PPARGC1A: variants seen among roughly 807,000 people sequenced by gnomAD.
The protein encoded by PPARGC1A is peroxisome proliferator-activated receptor gamma coactivator 1-alpha.
In PPARGC1A, 25 loss-of-function variants were observed where a neutral mutation model predicts 88.7. That is an observed-to-expected ratio of 0.28 (90% confidence interval 0.21 to 0.39). PPARGC1A has a LOEUF of 0.39. Among genes scored for constraint, PPARGC1A ranks in the 10% least tolerant of loss-of-function variants. PPARGC1A has a pLI of 1.00. For synonymous variants in PPARGC1A, 363 were observed against 355.6 expected (o/e 1.02, Z -0.24); for missense variants, 880 against 968.7 (o/e 0.91, Z 1.22).
the PPARGC1A span, among the ~76,000 whole-genome samples, chr4:24,451,275 T>G: frequency 2.0e-5 from 3 of 152,230 alleles, no homozygotes; most frequent in Non-Finnish European, 4.4e-5. Context: ...TAACATTTTC[T>G]TAAACATTCA....
At chr4:23,852,751 T>G (rs1256410954) in intron 2 of PPARGC1A, among the ~76,000 whole-genome samples, 1 of 152,222 alleles carries the variant, frequency 6.6e-6, no homozygotes, top group East Asian at 1.9e-4. Context: ...TCATGCCATG[T>G]TTTATACTTA....
At chr4:23,799,805 A>C (rs1560314900) in intron 12 of PPARGC1A, among the ~76,000 whole-genome samples, 1 of 152,134 alleles carries the variant, frequency 6.6e-6, no homozygotes, top group Non-Finnish European at 1.5e-5. Context: ...ATCGTGATCT[A>C]AAGGCCCCTC....
the PPARGC1A span, among the ~76,000 whole-genome samples, chr4:24,263,380 A>G: frequency 6.6e-6 from 1 of 152,126 alleles, no homozygotes; most frequent in Non-Finnish European, 1.5e-5. Flanking sequence ...ATAAATATTC[A>G]TCAAGTTCCT....
At chr4:23,832,209 A>C (rs575544930) in intron 2 of PPARGC1A, among the ~76,000 whole-genome samples, 13 of 152,256 alleles carry the variant, frequency 8.5e-5, no homozygotes, top group African/African-American at 2.9e-4. Flanking sequence ...TTTGAACAAC[A>C]CCAGAAAGTG....
chr4:23,884,794 T>G lies in PPARGC1A; in HGVS notation c.192A>C (p.Ile64=), dbSNP rs1013368919. ...GLKWCSDQSE[I]ISNQYNNEPS... ...GCTCATTGTTGTACTGATTGGATAT[T>G]ATTTCTGATTGGTCACTGCACCACT... Residue 64 remains isoleucine (I), a synonymous_variant, in exon 2 of 13, where the codon ATA becomes ATC. Coordinates refer to ENST00000264867, the MANE Select transcript of PPARGC1A (RefSeq NM_013261.5). 9.9e-6 allele frequency: 16 copies of G among 1,613,850 alleles called. No homozygotes were observed. Among genetic ancestry groups the G allele is most frequent in the African/African-American group, 2.7e-5 (2 of 74,900 alleles).
At chr4:24,362,521 G>GT in the PPARGC1A span, among the ~76,000 whole-genome samples, 4 of 151,522 alleles carry the variant, frequency 2.6e-5, no homozygotes, top group Admixed American at 6.6e-5. Flanking sequence ...CAAAGGACTA[G>GT]TTTTTTTTTC....
chr4:24,216,527 A>G, the PPARGC1A span, among the ~76,000 whole-genome samples: 1 of 152,150 alleles, frequency 6.6e-6, no homozygotes, highest in African/African-American at 2.4e-5. Flanking sequence ...AGGAGGAGAT[A>G]ATGAGGTTCT....
chr4:24,024,809 G>C, the PPARGC1A span, among the ~76,000 whole-genome samples: 1 of 152,188 alleles, frequency 6.6e-6, no homozygotes, highest in African/African-American at 2.4e-5. Flanking sequence ...TTGCCAAATA[G>C]CTGCTGTGCT....
the PPARGC1A span, among the ~76,000 whole-genome samples, chr4:24,149,862 T>C: frequency 6.6e-6 from 1 of 152,210 alleles, no homozygotes; most frequent in Non-Finnish European, 1.5e-5. Context: ...CATCTAAATC[T>C]AAATCTAATT....
At chr4:24,353,241 C>G in the PPARGC1A span, among the ~76,000 whole-genome samples, 1 of 145,548 alleles carries the variant, frequency 6.9e-6, no homozygotes. Flanking sequence ...CAACCTGATT[C>G]CTTTACTAAC....
the PPARGC1A span, among the ~76,000 whole-genome samples, chr4:24,029,897 G>T: frequency 9.9e-5 from 15 of 152,184 alleles, no homozygotes; most frequent in African/African-American, 3.1e-4. Context: ...AAATAATTTG[G>T]GGGGATGGCA....
At chr4:24,326,466 C>T in the PPARGC1A span, among the ~76,000 whole-genome samples, 9 of 150,936 alleles carry the variant, frequency 6.0e-5, no homozygotes, top group South Asian at 4.3e-4. Flanking sequence ...CTCAAACATG[C>T]TTTCTTTACT....
chr4:24,176,651 C>T, the PPARGC1A span, among the ~76,000 whole-genome samples: 1 of 152,140 alleles, frequency 6.6e-6, no homozygotes, highest in Non-Finnish European at 1.5e-5. Context: ...GAAGAGCTAT[C>T]ACTTCTTAGC....
the PPARGC1A span, among the ~76,000 whole-genome samples, chr4:24,170,859 T>C: frequency 6.6e-6 from 1 of 152,202 alleles, no homozygotes; most frequent in African/African-American, 2.4e-5. Flanking sequence ...GCAAGGCATA[T>C]TCCAAAGGCG....
chr4:23,907,731 T>TAGTTCGAGA (rs769120044), upstream of PPARGC1A, among the ~76,000 whole-genome samples: 291 of 152,286 alleles, frequency 1.9e-3, no homozygotes, highest in African/African-American at 6.6e-3. Context: ...CTTTTCTACG[T>TAGTTCGAGA]AGTTCGAGTG....
At chr4:24,171,345 G>A in the PPARGC1A span, among the ~76,000 whole-genome samples, 1 of 151,950 alleles carries the variant, frequency 6.6e-6, no homozygotes, top group African/African-American at 2.4e-5. Context: ...GGCAGAGGTT[G>A]CAGTGAGCAG....
the PPARGC1A span, among the ~76,000 whole-genome samples, chr4:24,249,960 C>G: frequency 6.6e-6 from 1 of 152,184 alleles, no homozygotes; most frequent in Non-Finnish European, 1.5e-5. Flanking sequence ...CACTCATTAA[C>G]CAACGGGCAG....
the PPARGC1A span, among the ~76,000 whole-genome samples, chr4:24,294,365 G>A: frequency 6.6e-6 from 1 of 152,156 alleles, no homozygotes; most frequent in Non-Finnish European, 1.5e-5. Flanking sequence ...GTATATTACA[G>A]TTCCTCCGTG....
the PPARGC1A span, among the ~76,000 whole-genome samples, chr4:24,396,486 C>G: frequency 1.3e-5 from 2 of 152,114 alleles, no homozygotes; most frequent in African/African-American, 4.8e-5. Context: ...CTGGGCAGAT[C>G]AAATGCCACA....
Sources: allele counts gnomAD v4.1 joint callset (sites outside exome capture counted in the v4.1 genomes callset), GRCh38; gene constraint gnomAD v4.1.1; transcripts MANE v1.5; gene names NCBI Gene and HGNC (gene_info 2026-07-23, HGNC 2026-07-21).